FERMT2: variants seen among roughly 807,000 people sequenced by gnomAD.
The protein encoded by FERMT2 is FERM domain containing kindlin 2.
In FERMT2, 15 loss-of-function variants were observed where a neutral mutation model predicts 82.7. The ratio of observed to expected loss-of-function variants is 0.18; its 90% CI spans 0.12 to 0.28. FERMT2 has a LOEUF of 0.28. Ranked by LOEUF, FERMT2 falls within the 10% of genes least tolerant of loss-of-function variation. The pLI is 1.00. For missense variants in FERMT2, 645 were observed against 809.4 expected, an observed-to-expected ratio of 0.80 and a Z score of 2.46; for synonymous variants, 274 against 271.5, an observed-to-expected ratio of 1.01 and a Z score of -0.09.
chr14:52,895,134 G>C (rs758507533), intron 3 of FERMT2, among the ~76,000 whole-genome samples: 5 of 152,102 alleles, frequency 3.3e-5, no homozygotes, highest in Non-Finnish European at 7.4e-5. Flanking sequence ...AGTCATCAGG[G>C]AAATACAAAT....
chr14:52,948,220 A>G lies in FERMT2; in HGVS notation c.157+2192T>C, dbSNP rs1890450156. Among the ~76,000 whole-genome samples, 4 of 152,318 alleles carry G rather than the reference A, an allele frequency of 2.6e-5. No homozygotes were observed. In the South Asian group the frequency reaches 8.3e-4, roughly 32 times the overall value. ...CAAGTAGTCATCCAGTCTGCCCTTT[A>G]ATACCTTCAGTGACATAAGTCAGGG... On this transcript the variant is annotated intron_variant, in intron 2 of 14. Transcript: ENST00000341590.
chr14:52,892,166 G>GTTTTTTT (rs10547747), intron 4 of FERMT2, among the ~76,000 whole-genome samples: 11 of 128,862 alleles, frequency 8.5e-5, no homozygotes, highest in African/African-American at 2.9e-4. Context: ...GCTGTTTTTT[G>GTTTTTTT]TTTTTTTTTT....
chr14:52,922,526 A>G (rs1260327403), intron 2 of FERMT2, among the ~76,000 whole-genome samples: 1 of 152,214 alleles, frequency 6.6e-6, no homozygotes, highest in Non-Finnish European at 1.5e-5. Context: ...AGGGCGCTGC[A>G]AAGACATAAT....
intron 2 of FERMT2, among the ~76,000 whole-genome samples, chr14:52,933,588 T>C (rs1889690178): frequency 6.6e-6 from 1 of 151,440 alleles, no homozygotes; most frequent in African/African-American, 2.4e-5. Context: ...CACATGCCTG[T>C]AATCCCAGCT....
At chr14:52,900,906 A>G (rs1887584567) in intron 3 of FERMT2, among the ~76,000 whole-genome samples, 1 of 152,042 alleles carries the variant, frequency 6.6e-6, no homozygotes, top group Non-Finnish European at 1.5e-5. Context: ...ATATGTCTAA[A>G]TACCTTACAG....
intron 3 of FERMT2, among the ~76,000 whole-genome samples, chr14:52,897,506 T>G (rs1887356910): frequency 6.6e-6 from 1 of 152,202 alleles, no homozygotes; most frequent in Non-Finnish European, 1.5e-5. Flanking sequence ...AAATCAAAGT[T>G]AATTTGCATG....
chr14:52,933,385 C>G (rs554440072), intron 2 of FERMT2, among the ~76,000 whole-genome samples: 2 of 152,124 alleles, frequency 1.3e-5, no homozygotes, highest in African/African-American at 2.4e-5. Context: ...AAAATGCAAA[C>G]TTGATCAGTT....
chr14:52,888,198 CTTAT>C (rs1886722956), intron 4 of FERMT2, among the ~76,000 whole-genome samples: 1 of 152,022 alleles, frequency 6.6e-6, no homozygotes. Context: ...AACCATAAGG[CTTAT>C]TTGTGATTTT....
intron 2 of FERMT2, among the ~76,000 whole-genome samples, chr14:52,919,697 G>C (rs926399510): frequency 1.3e-5 from 2 of 152,206 alleles, no homozygotes; most frequent in Non-Finnish European, 2.9e-5. Context: ...CAAGGAGTTG[G>C]TGGGCTTGGA....
intron 10 of FERMT2, among the ~76,000 whole-genome samples, chr14:52,869,406 A>G (rs780545623): frequency 6.6e-6 from 1 of 152,226 alleles, no homozygotes; most frequent in Non-Finnish European, 1.5e-5. Flanking sequence ...ACTGTGTTGA[A>G]ATACGGTAAA....
chr14:52,900,717 C>T (rs993022848), intron 3 of FERMT2, among the ~76,000 whole-genome samples: 1 of 152,118 alleles, frequency 6.6e-6, no homozygotes, highest in Non-Finnish European at 1.5e-5. Context: ...GCACAGAAAA[C>T]AGATAGACTA....
chr14:52,862,931 T>A (rs1390378516), intron 12 of FERMT2: 1 of 152,240 alleles, frequency 6.6e-6, no homozygotes, highest in Non-Finnish European at 1.5e-5. Context: ...AGCTCTCGTT[T>A]AAGCTCTTTT....
Position 52,875,290 on chromosome 14 carries a change from TCAA to T in FERMT2, c.1028_1030del (p.Val343del), listed in dbSNP as rs988367802. 1.2e-6 allele frequency: 2 copies of T among 1,613,030 alleles called. No individual in the cohort carries two copies. Among genetic ancestry groups the T allele is most frequent in the Non-Finnish European group, 1.7e-6 (2 of 1,179,106 alleles). On this transcript the variant is annotated inframe_deletion, in exon 8 of 15. Coordinates refer to ENST00000341590, the MANE Select transcript of FERMT2 (RefSeq NM_006832.3). ...GTCTGAAAGGGCAGCATCAACTTCATCAACTTCTTTGTCACTGTTGTTCAAATG... is the reference window on the plus strand; with the variant it reads ...GTCTGAAAGGGCAGCATCAACTTCATCTTCTTTGTCACTGTTGTTCAAATG...
chr14:52,934,992 C>T (rs1889772079), intron 2 of FERMT2, among the ~76,000 whole-genome samples: 1 of 152,150 alleles, frequency 6.6e-6, no homozygotes, highest in Admixed American at 6.5e-5. Flanking sequence ...TTACATAGTG[C>T]TTTGTGGACT....
At chr14:52,922,462 G>A (rs899381679) in intron 2 of FERMT2, among the ~76,000 whole-genome samples, 2 of 129,310 alleles carry the variant, frequency 1.5e-5, no homozygotes, top group Admixed American at 8.8e-5. Context: ...GTTACAGCCT[G>A]AAAGGAATGT....
At chr14:52,873,048 C>A (rs1057208987) in intron 9 of FERMT2, 125 bp from the exon 10 acceptor site, 2 of 894,934 alleles carry the variant, frequency 2.2e-6, no homozygotes, top group Admixed American at 4.3e-5. Flanking sequence ...AAATTGATCC[C>A]CCTTGGTCAG....
chr14:52,881,052 A>G lies in FERMT2; in HGVS notation c.839T>C (p.Phe280Ser). The change falls in exon 6 of 15, where the codon TTT becomes TCT. Residue 280 changes from phenylalanine to serine, a missense_variant. Physicochemically the swap from Phe to Ser is radical, Grantham distance 155. Transcript: ENST00000341590. ...CCTCGGTACCTTTGGATTCAAATCAAAAAAGCTGTAATACTTGAATCGGAG... is the reference window on the plus strand; with the variant it reads ...CCTCGGTACCTTTGGATTCAAATCAGAAAAGCTGTAATACTTGAATCGGAG... Reference protein sequence around the residue: ...LLLRFKYYSFFDLNPKYDAIR... With the variant: ...LLLRFKYYSFSDLNPKYDAIR... 6.2e-7 allele frequency: 1 copy of G among 1,610,658 alleles called. No individual in the cohort carries two copies. The highest frequency in any genetic ancestry group is 8.5e-7 in the Non-Finnish European group (1 of 1,178,256).
intron 3 of FERMT2, among the ~76,000 whole-genome samples, chr14:52,908,579 T>C (rs576805033): frequency 1.6e-4 from 25 of 152,266 alleles, no homozygotes; most frequent in African/African-American, 6.0e-4. Context: ...TAGGATTCCA[T>C]TTATCTAACA....
intron 2 of FERMT2, among the ~76,000 whole-genome samples, chr14:52,943,665 T>C (rs191466631): frequency 1.6e-4 from 24 of 152,332 alleles, no homozygotes; most frequent in Middle Eastern, 3.4e-3. Flanking sequence ...AATCAAAGGT[T>C]ATGAGTAAGT....
Sources: allele counts gnomAD v4.1 joint callset (sites outside exome capture counted in the v4.1 genomes callset), GRCh38; gene constraint gnomAD v4.1.1; transcripts MANE v1.5; gene names NCBI Gene and HGNC (gene_info 2026-07-23, HGNC 2026-07-21).